ZNF875: variants seen among roughly 807,000 people sequenced by gnomAD.
ZNF875 encodes the protein zinc finger protein 875.
A neutral mutation model predicts 11.2 loss-of-function variants in ZNF875; 14 were observed. The ratio of observed to expected loss-of-function variants is 1.26; its 90% CI spans 0.83 to 1.96. The LOEUF is 1.96. Ranked by LOEUF, ZNF875 falls within the 30% of genes most tolerant of loss-of-function variation. The probability of loss-of-function intolerance (pLI) is 0.00; values close to 1 mark genes in which losing one functional copy is unlikely to be tolerated. For synonymous variants in ZNF875, 301 were observed against 281.1 expected (o/e 1.07, Z -0.71); for missense variants, 752 against 760.4 (o/e 0.99, Z 0.13).
At chr19:37,340,605 T>C (rs1210333087) in intron 2 of ZNF875, among the ~76,000 whole-genome samples, 1 of 151,858 alleles carries the variant, frequency 6.6e-6, no homozygotes, top group Non-Finnish European at 1.5e-5. Context: ...AGTCTGAAAG[T>C]GTGTTTATTG....
rs370580679 is a variant in ZNF875 at position 37,363,648 on chromosome 19, G to A, written c.1796G>A (p.Arg599Gln). The A allele has an allele frequency of 2.2e-5, 36 of 1,612,238 alleles. No individual in the cohort carries two copies. Among genetic ancestry groups the A allele is most frequent in the Middle Eastern group, 1.6e-4 (1 of 6,082 alleles). Residue 599 changes from arginine to glutamine, a missense_variant, in exon 5 of 5, where the codon CGG (arginine) becomes CAG (glutamine). By Grantham distance (43) the Arg-to-Gln change is conservative. Coordinates refer to ENST00000392153, the MANE Select transcript of ZNF875 (RefSeq NM_001353803.2). The part of the protein sequence containing the change: ...VCRECGQGFS[R>Q]QSHLIRHQRT... Reference sequence around the variant, plus strand: ...AGGGAGTGTGGGCAAGGCTTTAGCCGGCAGTCACACCTCATTAGACACCAG... The same window carrying A: ...AGGGAGTGTGGGCAAGGCTTTAGCCAGCAGTCACACCTCATTAGACACCAG...
intron 4 of ZNF875, among the ~76,000 whole-genome samples, chr19:37,327,787 G>A (rs2032742921): frequency 1.3e-5 from 2 of 149,452 alleles, no homozygotes; most frequent in African/African-American, 2.5e-5. Flanking sequence ...AATCATACTC[G>A]CTCGTATCAA....
At chr19:37,345,655 G>A (rs1415184315) in intron 2 of ZNF875, among the ~76,000 whole-genome samples, 2 of 152,162 alleles carry the variant, frequency 1.3e-5, no homozygotes, top group Non-Finnish European at 2.9e-5. Flanking sequence ...AAAGCCCAGG[G>A]TGGTCAGATT....
intron 2 of ZNF875, among the ~76,000 whole-genome samples, chr19:37,342,704 G>A (rs1446640894): frequency 6.6e-6 from 1 of 152,066 alleles, no homozygotes; most frequent in East Asian, 1.9e-4. Flanking sequence ...GAGCCACCAC[G>A]CCTGGCCCAA....
At chr19:37,315,041 C>G (rs1159906742), upstream of ZNF875, 1 of 152,124 alleles carries the variant, frequency 6.6e-6, no homozygotes, top group African/African-American at 2.4e-5. Context: ...TCCAGTTCCC[C>G]CCAACTCCCC....
chr19:37,328,755 C>T (rs1235960320), intron 4 of ZNF875: 1 of 152,202 alleles, frequency 6.6e-6, no homozygotes, highest in Non-Finnish European at 1.5e-5. Context: ...TGATGGAGCA[C>T]TCCCTGCGTG....
chr19:37,334,174 C>T (rs527994528), upstream of ZNF875, among the ~76,000 whole-genome samples: 7 of 152,290 alleles, frequency 4.6e-5, no homozygotes, highest in Non-Finnish European at 7.4e-5. Flanking sequence ...TCCTGGTACA[C>T]CCTCCTACTC....
intron 4 of ZNF875, chr19:37,357,974 C>T: frequency 2.5e-6 from 1 of 398,358 alleles, no homozygotes. Flanking sequence ...GGAATGGTTT[C>T]AGCTTTCGCC....
upstream of ZNF875, among the ~76,000 whole-genome samples, chr19:37,331,800 C>T (rs1442845563): frequency 4.6e-5 from 6 of 130,366 alleles, no homozygotes; most frequent in Non-Finnish European, 1.1e-4. Flanking sequence ...TCCCCCAGCC[C>T]GACACCCCCA....
chr19:37,358,088 G>A (rs2039226060), intron 4 of ZNF875: 3 of 387,748 alleles, frequency 7.7e-6, no homozygotes, highest in African/African-American at 2.1e-5. Flanking sequence ...TCATGAAGGG[G>A]TGTTGGATTT....
intron 4 of ZNF875, among the ~76,000 whole-genome samples, chr19:37,361,388 C>T (rs545933927): frequency 1.2e-4 from 19 of 152,254 alleles, no homozygotes; most frequent in African/African-American, 2.9e-4. Context: ...GGACTACAGG[C>T]GTCATAAGTT....
At chr19:37,317,010 T>C (rs1262385841), upstream of ZNF875, 1 of 130,810 alleles carries the variant, frequency 7.6e-6, no homozygotes, top group Non-Finnish European at 1.6e-5. Flanking sequence ...GTTTCGGTCT[T>C]GCCGCCCAGG....
At chr19:37,342,207 C>T (rs953001635) in intron 2 of ZNF875, among the ~76,000 whole-genome samples, 5 of 152,126 alleles carry the variant, frequency 3.3e-5, no homozygotes, top group African/African-American at 4.8e-5. Context: ...ACTTTTGATT[C>T]GAACTTTACT....
intron 4 of ZNF875, among the ~76,000 whole-genome samples, chr19:37,351,747 CAATTT>C (rs1368987414): frequency 2.0e-5 from 3 of 151,934 alleles, no homozygotes; most frequent in Non-Finnish European, 4.4e-5. Flanking sequence ...TATTGGTTTT[CAATTT>C]AATTGTATTT....
At chr19:37,346,360 T>G (rs1367012443) in intron 2 of ZNF875, 2 of 152,170 alleles carry the variant, frequency 1.3e-5, no homozygotes, top group Admixed American at 1.3e-4. Context: ...AGAGATGGGT[T>G]CCAAATCCAG....
At position 37,363,394 on chromosome 19, in the gene ZNF875, C is replaced by T; in HGVS notation, c.1542C>T (p.Gly514=). ...TTGTATGTGCTGAGTGTGGACGAGG[C>T]TTTAATGATAAGTCCACCCTCATTT... The part of the protein sequence containing the change: ...KPFVCAECGR[G]FNDKSTLISH... The change falls in exon 5 of 5, where the codon GGC becomes GGT. Residue 514 remains glycine (G), a synonymous_variant. Transcript: ENST00000392153. 6.2e-7 allele frequency: 1 copy of T among 1,613,978 alleles called. No homozygotes were observed. The highest frequency in any genetic ancestry group is 8.5e-7 in the Non-Finnish European group (1 of 1,179,932).
intron 2 of ZNF875, among the ~76,000 whole-genome samples, chr19:37,336,146 G>A (rs1457910494): frequency 1.3e-5 from 2 of 152,086 alleles, no homozygotes; most frequent in Admixed American, 6.5e-5. Context: ...CTAGAAGTAG[G>A]GCTGTCTCAA....
rs762749324 is a variant in ZNF875 at position 37,344,804 on chromosome 19, A to C, written c.34-2386A>C. 16 of 1,307,048 alleles carry C rather than the reference A, an allele frequency of 1.2e-5. No individual in the cohort carries two copies. In the South Asian group the frequency reaches 1.6e-4, roughly 13 times the overall value. The allele number at this position is 1,307,048 out of a possible 1,614,324, so 81.0% of individuals were successfully genotyped here. On this transcript the variant is annotated intron_variant, in intron 2 of 4. Transcript: ENST00000392153. ...TATTAAATGTGTTAAAGTAACACTA[A>C]TTGCTCTGTGATGTAGCTCCTTCGT...
At chr19:37,322,944 A>G (rs1216425090) in intron 2 of ZNF875, among the ~76,000 whole-genome samples, 1 of 152,038 alleles carries the variant, frequency 6.6e-6, no homozygotes. Context: ...CCTCCACGAA[A>G]ATCTGGAGCT....
Sources: allele counts gnomAD v4.1 joint callset (sites outside exome capture counted in the v4.1 genomes callset), GRCh38; gene constraint gnomAD v4.1.1; transcripts MANE v1.5; gene names NCBI Gene and HGNC (gene_info 2026-07-23, HGNC 2026-07-21).